The following NT5DC1 variants were observed in gnomAD, a reference collection of about 807,000 sequenced individuals.
NT5DC1 encodes 5'-nucleotidase domain-containing protein 1.
A neutral mutation model predicts 59.4 loss-of-function variants in NT5DC1; 42 were observed. The observed-to-expected ratio is 0.71, with a 90% confidence interval of 0.55 to 0.92. The LOEUF is 0.92. Among genes scored for constraint, NT5DC1 ranks in the 40% least tolerant of loss-of-function variants. The pLI, the probability that NT5DC1 is intolerant of heterozygous loss-of-function variation, is 0.00. For missense variants in NT5DC1, 501 were observed against 537.1 expected, an observed-to-expected ratio of 0.93 and a Z score of 0.66; for synonymous variants, 172 against 188.1, an observed-to-expected ratio of 0.91 and a Z score of 0.70.
intron 6 of NT5DC1, among the ~76,000 whole-genome samples, chr6:116,195,499 A>G (rs1417608019): frequency 6.6e-6 from 1 of 152,032 alleles, no homozygotes; most frequent in Non-Finnish European, 1.5e-5. Context: ...ATTCATTTTT[A>G]AGAATAGTTC....
intron 6 of NT5DC1, among the ~76,000 whole-genome samples, chr6:116,159,095 C>G (rs1780272325): frequency 6.6e-6 from 1 of 152,164 alleles, no homozygotes; most frequent in South Asian, 2.1e-4. Context: ...TACTTACTAA[C>G]TAGCAATGTT....
At chr6:116,177,283 A>G (rs1582854235) in intron 6 of NT5DC1, among the ~76,000 whole-genome samples, 1 of 152,256 alleles carries the variant, frequency 6.6e-6, no homozygotes, top group East Asian at 1.9e-4. Context: ...CATACTTTTC[A>G]ATTAACTGTG....
rs1003780594 is a variant in NT5DC1 at position 116,179,135 on chromosome 6, G to T, written c.530-41919G>T. 3.9e-5 allele frequency among the ~76,000 whole-genome samples: 6 copies of T among 151,996 alleles called. No individual in the cohort carries two copies. In the East Asian group the frequency reaches 1.2e-3, roughly 29 times the overall value. ...TAGCTTCAGGAAGTGTCATTGTAAG[G>T]GTGGGGATACCAATTTATTTGTTTC... On this transcript the variant is annotated intron_variant, in intron 6 of 11. Transcript: ENST00000319550.
chr6:116,243,955 A>T lies in NT5DC1; in HGVS notation c.1299A>T (p.Ser433=). The change falls in exon 12 of 12, where the codon TCA becomes TCT. Residue 433 remains serine (S), a synonymous_variant. Transcript: ENST00000319550. The part of the protein sequence containing the change: ...YKFTRFSSSN[S]KTAGYYPNPP... The stretch of plus-strand genomic sequence containing the variant: ...TTACAAGATTCTCTTCAAGCAATTC[A>T]AAAACAGCTGGCTACTATCCAAATC... The T allele has an allele frequency of 1.3e-6, 2 of 1,584,106 alleles. No individual in the cohort carries two copies. The highest frequency in any genetic ancestry group is 3.4e-5 in the Admixed American group (2 of 58,084).
chr6:116,164,362 C>T (rs1448964477), intron 6 of NT5DC1, among the ~76,000 whole-genome samples: 1 of 151,866 alleles, frequency 6.6e-6, no homozygotes, highest in Non-Finnish European at 1.5e-5. Context: ...TTTTTTTACT[C>T]TTGTTGGTTT....
chr6:116,204,604 C>T (rs1211935529), intron 6 of NT5DC1, among the ~76,000 whole-genome samples: 1 of 151,792 alleles, frequency 6.6e-6, no homozygotes. Flanking sequence ...ATGAGCCAGC[C>T]GTTTAACATT....
chr6:116,146,721 G>T (rs1779907331), intron 6 of NT5DC1, among the ~76,000 whole-genome samples: 2 of 151,994 alleles, frequency 1.3e-5, no homozygotes, highest in South Asian at 2.1e-4. Context: ...AAGTGTCATG[G>T]TATTCAAACT....
Position 116,220,991 on chromosome 6 carries a change from G to C in NT5DC1, c.530-63G>C. ...AGATTTGAAAGAGATTAACTTGTTA[G>C]AGAATATATTTAGTCAAAAAATGTT... On this transcript the variant is annotated intron_variant, in intron 6 of 11. Transcript: ENST00000319550. 3 of 779,850 alleles carry C rather than the reference G, an allele frequency of 3.8e-6. No individual in the cohort carries two copies. In the East Asian group the frequency reaches 7.6e-5, roughly 20 times the overall value. 48.3% of individuals were successfully genotyped at this position (779,850 alleles called of 1,614,324 possible). A position where few individuals can be genotyped will look rare whatever the true frequency, so the allele number is the denominator to read the frequency against.
intron 6 of NT5DC1, among the ~76,000 whole-genome samples, chr6:116,193,104 T>C (rs74745744): frequency 0.042 from 6,423 of 152,204 alleles, 463 homozygotes; most frequent in African/African-American, 0.15. Context: ...TACCTGAGAA[T>C]ATGCTTATGA....
intron 6 of NT5DC1, among the ~76,000 whole-genome samples, chr6:116,118,335 C>T (rs1779008961): frequency 6.6e-6 from 1 of 152,112 alleles, no homozygotes; most frequent in Admixed American, 6.5e-5. Flanking sequence ...GTTCTTGTTG[C>T]TTAAGGAACA....
At chr6:116,218,502 C>T (rs969836790) in intron 6 of NT5DC1, among the ~76,000 whole-genome samples, 4 of 152,142 alleles carry the variant, frequency 2.6e-5, no homozygotes, top group African/African-American at 9.7e-5. Context: ...ACGAGAGAGA[C>T]ACAGCCTCTG....
intron 6 of NT5DC1, among the ~76,000 whole-genome samples, chr6:116,167,671 A>T (rs1198120209): frequency 6.6e-6 from 1 of 151,938 alleles, no homozygotes; most frequent in Non-Finnish European, 1.5e-5. Flanking sequence ...AATTTGTTTG[A>T]ATTGTTCATA....
At chr6:116,211,313 C>G (rs1781573413) in intron 6 of NT5DC1, among the ~76,000 whole-genome samples, 1 of 151,982 alleles carries the variant, frequency 6.6e-6, no homozygotes. Context: ...TCAGTCAACC[C>G]TCAGAATCAG....
chr6:116,129,218 A>G (rs1349338144), intron 6 of NT5DC1, among the ~76,000 whole-genome samples: 3 of 152,200 alleles, frequency 2.0e-5, no homozygotes, highest in Non-Finnish European at 2.9e-5. Context: ...ATAGACATGT[A>G]TATACACAAA....
chr6:116,106,568 T>C (rs1342608877), intron 2 of NT5DC1, among the ~76,000 whole-genome samples: 1 of 152,232 alleles, frequency 6.6e-6, no homozygotes, highest in Non-Finnish European at 1.5e-5. Flanking sequence ...GCTAAGAGTT[T>C]ATGTGACTAA....
At chr6:116,115,921 T>C in intron 5 of NT5DC1, 151 bp downstream of exon 5, 1 of 413,360 alleles carries the variant, frequency 2.4e-6, no homozygotes, top group Non-Finnish European at 4.3e-6. Flanking sequence ...GTGAATTTGG[T>C]TCAAATATTT....
At chr6:116,160,993 A>G (rs911833718) in intron 6 of NT5DC1, among the ~76,000 whole-genome samples, 1 of 151,982 alleles carries the variant, frequency 6.6e-6, no homozygotes, top group Non-Finnish European at 1.5e-5. Context: ...CATATACACC[A>G]TGGAATACTA....
intron 4 of NT5DC1, among the ~76,000 whole-genome samples, chr6:116,114,440 G>A (rs1778928294): frequency 6.8e-6 from 1 of 146,534 alleles, no homozygotes; most frequent in Non-Finnish European, 1.5e-5. Flanking sequence ...CGTCTATTGA[G>A]TGCTTAGAAT....
chr6:116,193,349 A>G (rs1025153012), intron 6 of NT5DC1, among the ~76,000 whole-genome samples: 1 of 152,100 alleles, frequency 6.6e-6, no homozygotes, highest in Non-Finnish European at 1.5e-5. Flanking sequence ...CTTTTAAACA[A>G]AAGGCAGGAA....
Sources: gnomAD v4.1 joint callset for allele counts (sites outside exome capture counted in the v4.1 genomes callset) on GRCh38, gnomAD v4.1.1 for gene constraint, MANE v1.5 for transcripts, NCBI Gene and HGNC (gene_info 2026-07-23, HGNC 2026-07-21) for gene names.